The following P4HA3 variants were observed in gnomAD, a reference collection of about 807,000 sequenced individuals.
The protein encoded by P4HA3 is prolyl 4-hydroxylase subunit alpha-3.
A neutral mutation model predicts 66.7 loss-of-function variants in P4HA3; 60 were observed. The observed-to-expected ratio is 0.90, with a 90% CI of 0.73 to 1.12. P4HA3 has a LOEUF of 1.12. Among genes scored for constraint, P4HA3 ranks in the 50% most tolerant of loss-of-function variants. The probability of loss-of-function intolerance (pLI) is 0.00; values close to 1 mark genes in which losing one functional copy is unlikely to be tolerated. For missense variants in P4HA3, 683 were observed against 685.8 expected, an observed-to-expected ratio of 1.00 and a Z score of 0.05; for synonymous variants, 263 against 274.6, an observed-to-expected ratio of 0.96 and a Z score of 0.42.
rs372360327 is a variant in P4HA3 at position 74,274,677 on chromosome 11, T to C, written c.1336-1070A>G. 9.2e-5 allele frequency among the ~76,000 whole-genome samples: 14 copies of C among 152,300 alleles called. No individual in the cohort carries two copies. The East Asian group carries it at 2.5e-3, about 27-fold the overall frequency. ...TTCTGTACAAATGTTTGTAGAGACA[T>C]ATTTTCTTTTTCTTTTGGGTAATAT... On this transcript the variant is annotated intron_variant, in intron 9 of 12. Transcript: ENST00000331597.
At chr11:74,269,343 C>T (rs977813506) in intron 11 of P4HA3, among the ~76,000 whole-genome samples, 2 of 152,200 alleles carry the variant, frequency 1.3e-5, no homozygotes, top group Non-Finnish European at 2.9e-5. Flanking sequence ...GAACTAGATG[C>T]TGTAGAGGAT....
At chr11:74,290,071 G>C (rs1209792901) in intron 4 of P4HA3, among the ~76,000 whole-genome samples, 2 of 152,002 alleles carry the variant, frequency 1.3e-5, no homozygotes, top group Non-Finnish European at 2.9e-5. Context: ...CAGTGTAAAA[G>C]TGTTCCTATT....
rs750727191 is a variant in P4HA3 at position 74,311,509 on chromosome 11, T to A, written c.103A>T (p.Thr35Ser). 1.3e-6 allele frequency: 2 copies of A among 1,538,964 alleles called. No individual in the cohort carries two copies. The highest frequency in any genetic ancestry group is 1.4e-5 in the African/African-American group (1 of 71,824). ...AARGDTFSAL[T>S]SVARALAPER... ...GGCGCCAGGGCGCGCGCCACGCTGG[T>A]CAGCGCCGAGAACGTGTCGCCCCGA... is the stretch of plus-strand genomic sequence containing the variant. Residue 35 changes from threonine to serine, a missense_variant, in exon 1 of 13, where the codon ACC becomes TCC. Transcript: ENST00000331597.
At chr11:74,267,405 G>C in intron 12 of P4HA3, 87 bp from the exon 13 acceptor site, 10 of 1,471,058 alleles carry the variant, frequency 6.8e-6, no homozygotes, top group Non-Finnish European at 8.3e-6. Flanking sequence ...TCATAGGCGC[G>C]TGTGAGTGCC....
chr11:74,280,829 C>T (rs562795728), intron 7 of P4HA3, among the ~76,000 whole-genome samples: 3 of 152,226 alleles, frequency 2.0e-5, no homozygotes, highest in African/African-American at 4.8e-5. Flanking sequence ...TGTCATTGTC[C>T]CTCCTGCTAA....
At chr11:74,270,547 G>A (rs1042951006) in intron 10 of P4HA3, among the ~76,000 whole-genome samples, 27 of 152,078 alleles carry the variant, frequency 1.8e-4, no homozygotes, top group African/African-American at 6.3e-4. Context: ...CATAGTGATA[G>A]TTGACATTTA....
intron 15 of P4HA3, among the ~76,000 whole-genome samples, chr11:74,256,742 A>G (rs1859837645): frequency 6.6e-6 from 1 of 152,170 alleles, no homozygotes; most frequent in Admixed American, 6.5e-5. Context: ...TGTCACATAG[A>G]CACTAGTGAA....
chr11:74,284,274 T>G (rs998458818), intron 7 of P4HA3, among the ~76,000 whole-genome samples: 6 of 152,244 alleles, frequency 3.9e-5, no homozygotes, highest in African/African-American at 7.2e-5. Context: ...GTGCTTTCCC[T>G]GTGGAAGAAT....
Position 74,253,374 on chromosome 11 carries a change from G to A in P4HA3, c.*1319-5373C>T. ...AGCTCTGGTCAGGGCTGTGAAATGG[G>A]TCAGATTTGCCAGGGCCTTGGTGGT... On this transcript the variant is annotated intron_variant and NMD_transcript_variant, in intron 15 of 15. Transcript: ENST00000524388. 4.8e-6 allele frequency: 5 copies of A among 1,032,038 alleles called. No individual in the cohort carries two copies. The Admixed American group carries it at 1.0e-4, about 21-fold the overall frequency. The allele number at this position is 1,032,038 out of a possible 1,614,324, so 63.9% of individuals were successfully genotyped here.
intron 3 of P4HA3, among the ~76,000 whole-genome samples, chr11:74,300,092 C>T (rs1425671322): frequency 6.6e-6 from 1 of 152,088 alleles, no homozygotes; most frequent in Non-Finnish European, 1.5e-5. Flanking sequence ...TCAAGGAACT[C>T]CTATGTCAAT....
chr11:74,262,252 G>A (rs1859918707), downstream of P4HA3, among the ~76,000 whole-genome samples: 2 of 152,082 alleles, frequency 1.3e-5, no homozygotes, highest in South Asian at 4.1e-4. Flanking sequence ...ATTACACCAG[G>A]CTACCCATTT....
At chr11:74,251,172 T>C in intron 15 of P4HA3, 1 of 1,466,286 alleles carries the variant, frequency 6.8e-7, no homozygotes, top group East Asian at 2.5e-5. Flanking sequence ...AACTTCTCCC[T>C]GGCAGCTGCT....
chr11:74,286,678 C>G (rs1860812086), intron 5 of P4HA3, among the ~76,000 whole-genome samples: 1 of 152,158 alleles, frequency 6.6e-6, no homozygotes, highest in Non-Finnish European at 1.5e-5. Flanking sequence ...ATGAAGATGG[C>G]TGCTCTGGGA....
chr11:74,284,234 T>C (rs1012597356), intron 7 of P4HA3, among the ~76,000 whole-genome samples: 24 of 152,240 alleles, frequency 1.6e-4, no homozygotes, highest in Non-Finnish European at 2.6e-4. Flanking sequence ...CCTCTTCCCA[T>C]TGACATCCAG....
intron 14 of P4HA3, among the ~76,000 whole-genome samples, chr11:74,261,612 C>T (rs1165329111): frequency 6.6e-6 from 1 of 152,126 alleles, no homozygotes; most frequent in East Asian, 1.9e-4. Context: ...GGGATTGTAA[C>T]TATTTTCACA....
At position 74,311,632 on chromosome 11, in the gene P4HA3, C is replaced by G; in HGVS notation, c.-21G>C. 6.8e-7 allele frequency: 1 copy of G among 1,473,076 alleles called. No homozygotes were observed. Among genetic ancestry groups the G allele is most frequent in the Non-Finnish European group, 8.9e-7 (1 of 1,122,748 alleles). 91.3% of individuals were successfully genotyped at this position (1,473,076 alleles called of 1,614,324 possible). ...CCCATAGCCAGCGCTCGCGAACTTC[C>G]CCTCAGACAGTCCTGGCCGCGCGGC... On this transcript the variant is annotated 5_prime_UTR_variant, in exon 1 of 13. Transcript: ENST00000331597.
At chr11:74,258,372 A>G (rs1004745430) in intron 15 of P4HA3, among the ~76,000 whole-genome samples, 2 of 152,156 alleles carry the variant, frequency 1.3e-5, no homozygotes, top group Non-Finnish European at 2.9e-5. Flanking sequence ...ATTAATGAGA[A>G]TGATGCCATT....
At chr11:74,276,846 C>T (rs1464982137) in intron 9 of P4HA3, 139 bp downstream of exon 9, 13 of 981,628 alleles carry the variant, frequency 1.3e-5, no homozygotes, top group Non-Finnish European at 1.9e-5. Flanking sequence ...CTAAGGCTTT[C>T]AGATATTTCT....
rs181185828 is a variant in P4HA3, at chr11:74,294,231, G to T, written c.717+3981C>A. Among the ~76,000 whole-genome samples, 490 of 152,234 alleles carry T rather than the reference G, an allele frequency of 3.2e-3. 3 individuals are homozygous for T. Among genetic ancestry groups the T allele is most frequent in the Non-Finnish European group, 4.9e-3 (330 of 68,022 alleles). On this transcript the variant is annotated intron_variant, in intron 4 of 12. Coordinates refer to ENST00000331597, the MANE Select transcript of P4HA3 (RefSeq NM_182904.5). ...ATCACTGATACCCTTTCTTCCAGTT[G>T]ATTGCATCGGCTACTGAGGCTTCTG...
Sources: gnomAD v4.1 joint callset for allele counts (sites outside exome capture counted in the v4.1 genomes callset) on GRCh38, gnomAD v4.1.1 for gene constraint, MANE v1.5 for transcripts, NCBI Gene and HGNC (gene_info 2026-07-23, HGNC 2026-07-21) for gene names.